PDIA6: variants seen among roughly 807,000 people sequenced by gnomAD.
PDIA6 encodes protein disulfide isomerase family A member 6, also known as protein disulfide-isomerase A6.
In PDIA6, 29 loss-of-function variants were observed where a neutral mutation model predicts 58.4. The ratio of observed to expected loss-of-function variants is 0.50; its 90% confidence interval spans 0.37 to 0.68. The LOEUF is 0.68. PDIA6 is among the 30% of genes least tolerant of loss of function. The pLI is 0.00. For missense variants in PDIA6, 480 were observed against 551.0 expected, an observed-to-expected ratio of 0.87 and a Z score of 1.29; for synonymous variants, 192 against 202.6, an observed-to-expected ratio of 0.95 and a Z score of 0.44.
intron 1 of PDIA6, among the ~76,000 whole-genome samples, chr2:10,823,854 C>T (rs1435620482): frequency 6.6e-6 from 1 of 150,982 alleles, no homozygotes; most frequent in Non-Finnish European, 1.5e-5. Context: ...CAAGGTTATA[C>T]TCCCTCCCTG....
intron 1 of PDIA6, among the ~76,000 whole-genome samples, chr2:10,822,670 C>T (rs531404382): frequency 5.2e-4 from 79 of 152,364 alleles, no homozygotes; most frequent in African/African-American, 1.8e-3. Flanking sequence ...TATCTTCACC[C>T]TCTATACCAT....
chr2:10,836,458 C>T (rs1226607836), upstream of PDIA6, among the ~76,000 whole-genome samples: 1 of 152,010 alleles, frequency 6.6e-6, no homozygotes, highest in African/African-American at 2.4e-5. Context: ...AGCAGTCAGC[C>T]CGCTGTGGCC....
At position 10,797,077 on chromosome 2, in the gene PDIA6, T is replaced by C. The variant is rs778155388; in HGVS notation, c.346+4A>G. 1.2e-6 allele frequency: 2 copies of C among 1,613,316 alleles called. No homozygotes were observed. Among genetic ancestry groups the C allele is most frequent in the South Asian group, 2.2e-5 (2 of 90,988 alleles). On this transcript the variant is annotated splice_donor_region_variant and intron_variant, in intron 4 of 12. Transcript: ENST00000272227. ...GGAATGAAGTAGCTAGGAAAAGTCC[T>C]TACCTTGGTAATCTTCTGGTCTGTT...
intron 1 of PDIA6, chr2:10,823,327 C>T (rs1667456646): frequency 6.6e-6 from 1 of 152,254 alleles, no homozygotes; most frequent in Non-Finnish European, 1.5e-5. Flanking sequence ...CCTCTCACTG[C>T]TGCTAATTCA....
intron 2 of PDIA6, chr2:10,819,268 A>G (rs1407562991): frequency 1.3e-6 from 2 of 1,503,748 alleles, no homozygotes; most frequent in Admixed American, 2.0e-5. Flanking sequence ...AGTTTCCTCT[A>G]CTTACCGGGT....
chr2:10,806,193 C>A (rs1429815392), intron 1 of PDIA6, among the ~76,000 whole-genome samples: 1 of 151,188 alleles, frequency 6.6e-6, no homozygotes, highest in Non-Finnish European at 1.5e-5. Context: ...CATAGTGAGA[C>A]CCCCTCTCTA....
chr2:10,833,508 CA>C (rs1192267010), upstream of PDIA6, among the ~76,000 whole-genome samples: 1 of 152,184 alleles, frequency 6.6e-6, no homozygotes, highest in African/African-American at 2.4e-5. Context: ...CCCAGAACCT[CA>C]AAAACCCACA....
chr2:10,834,681 T>C (rs1191466451), upstream of PDIA6, among the ~76,000 whole-genome samples: 1 of 145,672 alleles, frequency 6.9e-6, no homozygotes, highest in Admixed American at 6.8e-5. Context: ...GATGTGTTTG[T>C]GGAGTGAACT....
intron 2 of PDIA6, among the ~76,000 whole-genome samples, chr2:10,799,345 A>G (rs1266500381): frequency 5.9e-5 from 9 of 152,262 alleles, no homozygotes; most frequent in Admixed American, 5.9e-4. Context: ...TGCCAGCACC[A>G]TGATGAAAAC....
rs747829615 is a variant in PDIA6 at position 10,787,344 on chromosome 2, C to T, written c.1094G>A (p.Arg365His). ...GYPAMAAINA[R>H]KMKFALLKGS... ...TTTTAGCAGAGCAAATTTCATCTTG[C>T]GTGCATTGATGGCGGCCATGGCGGG... The change falls in exon 11 of 13, where the codon CGC becomes CAC. Residue 365 changes from arginine (R) to histidine (H), a missense_variant. Coordinates refer to ENST00000272227, the MANE Select transcript of PDIA6 (RefSeq NM_005742.4). The T allele has an allele frequency of 1.1e-5, 17 of 1,614,006 alleles. No individual in the cohort carries two copies. Among genetic ancestry groups the T allele is most frequent in the African/African-American group, 5.3e-5 (4 of 74,908 alleles).
exon 1 of PDIA6, chr2:10,837,712 C>T: frequency 6.7e-7 from 1 of 1,485,430 alleles, no homozygotes; most frequent in South Asian, 1.3e-5. Flanking sequence ...TGTGCAAGTT[C>T]ATGCCACCCC....
Position 10,784,174 on chromosome 2 carries a change from G to T in PDIA6, c.*84C>A. 1.0e-6 allele frequency: 1 copy of T among 979,900 alleles called. No homozygotes were observed. Among genetic ancestry groups the T allele is most frequent in the Non-Finnish European group, 1.6e-6 (1 of 639,646 alleles). The allele number at this position is 979,900 out of a possible 1,614,324, so 60.7% of individuals were successfully genotyped here. A position where few individuals can be genotyped will look rare whatever the true frequency, so the allele number is the denominator to read the frequency against. ...TAAAAGGCCACTGGTAGAGTCATCT[G>T]AGTGTAGAGAATGTCCCTTCACTGC... On this transcript the variant is annotated 3_prime_UTR_variant, in exon 13 of 13. Coordinates refer to ENST00000272227, the MANE Select transcript of PDIA6 (RefSeq NM_005742.4).
intron 11 of PDIA6, among the ~76,000 whole-genome samples, chr2:10,785,913 C>T (rs999217412): frequency 6.6e-6 from 1 of 152,152 alleles, no homozygotes; most frequent in East Asian, 1.9e-4. Context: ...AAGGTCTCAC[C>T]GTGGTGGCCA....
intron 1 of PDIA6, chr2:10,820,813 G>A (rs1667361675): frequency 1.4e-6 from 1 of 702,888 alleles, no homozygotes; most frequent in Non-Finnish European, 2.6e-6. Context: ...ACCTCAACTG[G>A]GGCCAGTGGT....
At chr2:10,829,890 G>T (rs1010732956) in intron 1 of PDIA6, among the ~76,000 whole-genome samples, 1 of 152,140 alleles carries the variant, frequency 6.6e-6, no homozygotes, top group East Asian at 1.9e-4. Flanking sequence ...CAGCTTCTCC[G>T]TGGCGGCACT....
At chr2:10,797,629 G>A in intron 3 of PDIA6, 71 bp downstream of exon 3, 1 of 1,030,504 alleles carries the variant, frequency 9.7e-7, no homozygotes, top group Non-Finnish European at 1.5e-6. Context: ...ATACACAGGT[G>A]AATATGGACA....
At chr2:10,818,727 T>G (rs1057268767) in intron 2 of PDIA6, among the ~76,000 whole-genome samples, 4 of 151,730 alleles carry the variant, frequency 2.6e-5, no homozygotes, top group Admixed American at 1.3e-4. Context: ...TTTGCCATGT[T>G]GGTCAGGCTG....
In PDIA6 at chr2:10,786,930, A is replaced by T. The variant is rs190725746; in HGVS notation, c.1157+351T>A. ...GAAACCACATTTCCCCAAGGTCAAG[A>T]TTACAATGCATATGAGGGTGAGGAT... On this transcript the variant is annotated intron_variant, in intron 11 of 12. Transcript: ENST00000272227. 2.2e-4 allele frequency among the ~76,000 whole-genome samples: 34 copies of T among 152,310 alleles called. 1 individual carries two copies. The East Asian group carries it at 5.2e-3, about 23-fold the overall frequency.
intron 1 of PDIA6, among the ~76,000 whole-genome samples, chr2:10,807,913 A>C (rs1288407627): frequency 6.6e-6 from 1 of 152,220 alleles, no homozygotes; most frequent in African/African-American, 2.4e-5. Context: ...TGGCCCATCT[A>C]TGGTCATACA....
Sources: allele counts gnomAD v4.1 joint callset (sites outside exome capture counted in the v4.1 genomes callset), GRCh38; gene constraint gnomAD v4.1.1; transcripts MANE v1.5; gene names NCBI Gene and HGNC (gene_info 2026-07-23, HGNC 2026-07-21).